The following LSAMP variants were observed in gnomAD, a reference collection of about 807,000 sequenced individuals.
LSAMP encodes limbic system-associated membrane protein.
In LSAMP, 7 loss-of-function variants were observed where a neutral mutation model predicts 38.6. The ratio of observed to expected loss-of-function variants is 0.18; its 90% CI spans 0.10 to 0.34. The LOEUF is 0.34. Ranked by LOEUF, LSAMP falls within the 10% of genes least tolerant of loss-of-function variation. The pLI, the probability that LSAMP is intolerant of heterozygous loss-of-function variation, is 1.00. For missense variants in LSAMP, 313 were observed against 420.0 expected (o/e 0.75, Z 2.23); for synonymous variants, 154 against 166.8 (o/e 0.92, Z 0.59).
At chr3:116,236,081 TAATG>T (rs2046462704) in intron 1 of LSAMP, among the ~76,000 whole-genome samples, 1 of 152,130 alleles carries the variant, frequency 6.6e-6, no homozygotes, top group Admixed American at 6.5e-5. Flanking sequence ...TATAATCAAA[TAATG>T]AATGATGAGA....
At chr3:116,413,912 AAC>A (rs1491553473) in intron 1 of LSAMP, among the ~76,000 whole-genome samples, 2 of 151,438 alleles carry the variant, frequency 1.3e-5, no homozygotes, top group East Asian at 1.9e-4. Flanking sequence ...CAAAAAAAAA[AAC>A]AAACCAAAAA....
At chr3:116,257,170 C>A (rs1559801896) in intron 1 of LSAMP, among the ~76,000 whole-genome samples, 1 of 152,054 alleles carries the variant, frequency 6.6e-6, no homozygotes, top group Non-Finnish European at 1.5e-5. Context: ...CTCTAAACTC[C>A]CTTTTAGCAG....
intron 1 of LSAMP, among the ~76,000 whole-genome samples, chr3:116,109,740 T>C (rs1708555239): frequency 6.6e-6 from 1 of 151,534 alleles, no homozygotes; most frequent in Non-Finnish European, 1.5e-5. Context: ...GAACACAGGC[T>C]GAGGGAGAAG....
intron 3 of LSAMP, among the ~76,000 whole-genome samples, chr3:115,916,708 C>G (rs1490965474): frequency 6.6e-6 from 1 of 152,156 alleles, no homozygotes; most frequent in Non-Finnish European, 1.5e-5. Context: ...ATTTATTTCT[C>G]ATGATAACAA....
intron 3 of LSAMP, among the ~76,000 whole-genome samples, chr3:115,875,065 A>G (rs1456638503): frequency 6.6e-6 from 1 of 152,148 alleles, no homozygotes; most frequent in Non-Finnish European, 1.5e-5. Context: ...TCTTTTTATA[A>G]CAAATTCAAA....
Position 115,837,588 on chromosome 3 carries a change from C to T in LSAMP, c.919+4257G>A, listed in dbSNP as rs554179403. 3.0e-4 allele frequency among the ~76,000 whole-genome samples: 45 copies of T among 152,116 alleles called. No individual in the cohort carries two copies. The East Asian group carries it at 8.1e-3, about 27-fold the overall frequency. On this transcript the variant is annotated intron_variant, in intron 6 of 6. Coordinates refer to ENST00000490035, the MANE Select transcript of LSAMP (RefSeq NM_002338.5). ...ATGAAAATGGAAGTGGGAGGCAACA[C>T]AAGCAGTGCCCTTGGGTGGGAAGGG... is the stretch of plus-strand genomic sequence containing the variant.
At chr3:116,116,165 A>C (rs1294261205) in intron 1 of LSAMP, among the ~76,000 whole-genome samples, 3 of 135,340 alleles carry the variant, frequency 2.2e-5, no homozygotes, top group Non-Finnish European at 4.8e-5. Flanking sequence ...CAGCTTTTAT[A>C]TCATTATGTC....
chr3:115,845,069 T>G (rs1553739430), intron 4 of LSAMP, among the ~76,000 whole-genome samples: 1 of 152,172 alleles, frequency 6.6e-6, no homozygotes, highest in Non-Finnish European at 1.5e-5. Flanking sequence ...AGAAATGGAT[T>G]TCATAAGGGT....
intron 1 of LSAMP, among the ~76,000 whole-genome samples, chr3:116,419,915 C>T (rs1049461625): frequency 2.0e-5 from 3 of 152,196 alleles, no homozygotes; most frequent in South Asian, 2.1e-4. Flanking sequence ...ATAACTCTCA[C>T]GTCAGTTTCT....
chr3:116,139,296 T>G (rs1709321780), intron 1 of LSAMP, among the ~76,000 whole-genome samples: 1 of 152,002 alleles, frequency 6.6e-6, no homozygotes, highest in Non-Finnish European at 1.5e-5. Context: ...GCCTTTAAAC[T>G]TATTTTGATC....
intron 2 of LSAMP, among the ~76,000 whole-genome samples, chr3:116,073,365 T>G (rs1271743893): frequency 2.6e-5 from 4 of 152,224 alleles, no homozygotes; most frequent in African/African-American, 9.6e-5. Flanking sequence ...TCCAGCTTTA[T>G]CCTTTTTGCT....
At chr3:116,397,170 A>G (rs2048779667) in intron 1 of LSAMP, among the ~76,000 whole-genome samples, 1 of 152,162 alleles carries the variant, frequency 6.6e-6, no homozygotes, top group Non-Finnish European at 1.5e-5. Flanking sequence ...TAAAGTCCTA[A>G]CAGTAACCTA....
chr3:116,211,863 A>G (rs1308988202), intron 1 of LSAMP, among the ~76,000 whole-genome samples: 2 of 152,204 alleles, frequency 1.3e-5, no homozygotes, highest in Non-Finnish European at 2.9e-5. Flanking sequence ...TTAGTTTTAG[A>G]TAAAAACAAA....
chr3:116,098,745 C>T (rs367994893), intron 1 of LSAMP, among the ~76,000 whole-genome samples: 6 of 152,256 alleles, frequency 3.9e-5, no homozygotes, highest in African/African-American at 1.4e-4. Flanking sequence ...TTCTTTCTCT[C>T]ACCAAAGCAT....
At chr3:116,118,815 C>T (rs1267075325) in intron 1 of LSAMP, among the ~76,000 whole-genome samples, 1 of 152,178 alleles carries the variant, frequency 6.6e-6, no homozygotes, top group Non-Finnish European at 1.5e-5. Flanking sequence ...TTATTTTTTA[C>T]ATTACACTAA....
chr3:116,152,694 G>A (rs1384010082), intron 1 of LSAMP, among the ~76,000 whole-genome samples: 1 of 152,046 alleles, frequency 6.6e-6, no homozygotes, highest in Non-Finnish European at 1.5e-5. Context: ...TCTTATGGCA[G>A]TAATTGAAAT....
intron 2 of LSAMP, among the ~76,000 whole-genome samples, chr3:116,025,027 A>G (rs1397707402): frequency 6.6e-6 from 1 of 151,982 alleles, no homozygotes; most frequent in African/African-American, 2.4e-5. Context: ...ATGACTGCCT[A>G]GAAAGTACTG....
intron 1 of LSAMP, among the ~76,000 whole-genome samples, chr3:116,285,440 T>G (rs191945833): frequency 7.9e-4 from 121 of 152,214 alleles, no homozygotes; most frequent in African/African-American, 2.8e-3. Flanking sequence ...GTAAATGTCA[T>G]TTCTTCTCCC....
At chr3:116,366,227 C>G (rs1024592661) in intron 1 of LSAMP, among the ~76,000 whole-genome samples, 1 of 151,862 alleles carries the variant, frequency 6.6e-6, no homozygotes, top group African/African-American at 2.4e-5. Flanking sequence ...AGACACTTCT[C>G]AAAAGAAAAC....
Sources: gnomAD v4.1 joint callset for allele counts (sites outside exome capture counted in the v4.1 genomes callset) on GRCh38, gnomAD v4.1.1 for gene constraint, MANE v1.5 for transcripts, NCBI Gene and HGNC (gene_info 2026-07-23, HGNC 2026-07-21) for gene names.